The following LPAR6 variants were observed in gnomAD, a reference collection of about 807,000 sequenced individuals.
LPAR6 encodes lysophosphatidic acid receptor 6.
LPAR6 carries 17 observed loss-of-function variants against 22.0 expected under a neutral mutation model. The ratio of observed to expected loss-of-function variants is 0.77; its 90% CI spans 0.53 to 1.16. The LOEUF is 1.16. LPAR6 is among the 50% of genes most tolerant of loss of function. The pLI, the probability that LPAR6 is intolerant of heterozygous loss-of-function variation, is 0.00. For synonymous variants in LPAR6, 136 were observed against 139.8 expected, an observed-to-expected ratio of 0.97 and a Z score of 0.19; for missense variants, 384 against 406.9, an observed-to-expected ratio of 0.94 and a Z score of 0.48.
At chr13:48,414,993 AT>A (rs34952137), upstream of LPAR6, among the ~76,000 whole-genome samples, 31,728 of 149,974 alleles carry the variant, frequency 0.21, 3,483 homozygotes, top group South Asian at 0.26. Context: ...TCTTACTGTT[AT>A]TTTTTTTTTA....
At chr13:48,431,622 A>G (rs1949130463), upstream of LPAR6, among the ~76,000 whole-genome samples, 1 of 152,090 alleles carries the variant, frequency 6.6e-6, no homozygotes, top group Admixed American at 6.6e-5. Flanking sequence ...ATGTTTGGAA[A>G]ATTTGAGGGT....
At position 48,411,248 on chromosome 13, in the gene LPAR6, A is replaced by T. The variant is rs1215329312; in HGVS notation, c.*141T>A. The stretch of plus-strand genomic sequence containing the variant: ...TGTTAATGCTTAACACATTGAATAC[A>T]AATTTTCTTTATACTAAAGACTTTA... On this transcript the variant is annotated 3_prime_UTR_variant, in exon 1 of 1. Coordinates refer to ENST00000620633, the MANE Select transcript of LPAR6 (RefSeq NM_001162498.3). 4.2e-6 allele frequency: 3 copies of T among 714,140 alleles called. No homozygotes were observed. Among genetic ancestry groups the T allele is most frequent in the African/African-American group, 1.8e-5 (1 of 56,358 alleles). 44.2% of individuals were successfully genotyped at this position (714,140 alleles called of 1,614,324 possible).
chr13:48,422,728 G>C (rs1949024799), exon 2 of LPAR6: 1 of 152,096 alleles, frequency 6.6e-6, no homozygotes, highest in African/African-American at 2.4e-5. Context: ...CTAGGAGGTT[G>C]AGACTGCAGT....
chr13:48,418,354 C>T (rs1214651884), intron 2 of LPAR6, among the ~76,000 whole-genome samples: 4 of 152,078 alleles, frequency 2.6e-5, no homozygotes, highest in Non-Finnish European at 5.9e-5. Flanking sequence ...CACCACCAGG[C>T]CTGCATTACA....
At chr13:48,436,672 C>G (rs538338168) in intron 1 of LPAR6, among the ~76,000 whole-genome samples, 2 of 151,930 alleles carry the variant, frequency 1.3e-5, no homozygotes, top group South Asian at 4.2e-4. Context: ...AGTGGCTCAG[C>G]CAGCATATGT....
rs181868231 is a variant in LPAR6 at position 48,439,690 on chromosome 13, G to C, written c.-1474+4863C>G. ...GCTATTGAATGTGTTATGATTTAGAGAATTTCTGAGATTCACAGTAGAGTC... is the reference window on the plus strand; with the variant it reads ...GCTATTGAATGTGTTATGATTTAGACAATTTCTGAGATTCACAGTAGAGTC... On this transcript the variant is annotated intron_variant, in intron 1 of 6. Coordinates refer to the LPAR6 transcript ENST00000378434. 2.0e-5 allele frequency: 3 copies of C among 152,268 alleles called. No individual in the cohort carries two copies. In the East Asian group the frequency reaches 5.8e-4, roughly 29 times the overall value. 9.4% of individuals were successfully genotyped at this position (152,268 alleles called of 1,614,324 possible). A position where few individuals can be genotyped will look rare whatever the true frequency, so the allele number is the denominator to read the frequency against.
At position 48,412,010 on chromosome 13, in the gene LPAR6, A is replaced by G; in HGVS notation, c.414T>C (p.Thr138=). 1 of 1,612,024 alleles carries G rather than the reference A, an allele frequency of 6.2e-7. No individual in the cohort carries two copies. Among genetic ancestry groups the G allele is most frequent in the Non-Finnish European group, 8.5e-7 (1 of 1,178,926 alleles). ...CTCCGATCACAGTTAACCACACGCC[A>G]GTGCAAACAATCTTTGCATTTCTTT... ...RTKRNAKIVC[T]GVWLTVIGGS... Residue 138 remains threonine (T), a synonymous_variant, in exon 1 of 1, where the codon ACT becomes ACC. Transcript: ENST00000620633.
At position 48,413,112 on chromosome 13, in the gene LPAR6, C is replaced by G. The variant is rs1456721128; in HGVS notation, c.-689G>C. ...CAGTTGTATCTTGAGGTCGCTTTCT[C>G]TGAAGTGAAAAAGAAAGGCTTCCTA... On this transcript the variant is annotated 5_prime_UTR_variant, in exon 1 of 1. Transcript: ENST00000620633. 1 of 167,072 alleles carries G rather than the reference C, an allele frequency of 6.0e-6. No homozygotes were observed. The highest frequency in any genetic ancestry group is 6.5e-5 in the Admixed American group (1 of 15,274). 10.3% of individuals were successfully genotyped at this position (167,072 alleles called of 1,614,324 possible). A position where few individuals can be genotyped will look rare whatever the true frequency, so the allele number is the denominator to read the frequency against.
chr13:48,431,749 G>C (rs979392335), upstream of LPAR6, among the ~76,000 whole-genome samples: 1 of 152,152 alleles, frequency 6.6e-6, no homozygotes, highest in Non-Finnish European at 1.5e-5. Flanking sequence ...TGTTGTTTTA[G>C]TTAAACAGAA....
chr13:48,397,150 T>A (rs888182902), intron 1 of LPAR6, among the ~76,000 whole-genome samples: 3 of 152,200 alleles, frequency 2.0e-5, no homozygotes, highest in African/African-American at 7.2e-5. Context: ...ACTGAGCATA[T>A]ACCCAAAGGA....
At chr13:48,419,166 A>G (rs1427306539) in intron 2 of LPAR6, among the ~76,000 whole-genome samples, 4 of 152,200 alleles carry the variant, frequency 2.6e-5, no homozygotes, top group Non-Finnish European at 5.9e-5. Context: ...AATGCAAAAC[A>G]ATGGAAATCA....
intron 1 of LPAR6, among the ~76,000 whole-genome samples, chr13:48,398,633 T>G (rs1265275267): frequency 6.6e-6 from 1 of 152,072 alleles, no homozygotes; most frequent in East Asian, 1.9e-4. Flanking sequence ...GTCACCCAGT[T>G]GGCATTTGAA....
chr13:48,419,818 C>A (rs1167806139), intron 2 of LPAR6, among the ~76,000 whole-genome samples: 2 of 152,174 alleles, frequency 1.3e-5, no homozygotes, highest in Non-Finnish European at 2.9e-5. Flanking sequence ...GACACATACA[C>A]CCTCCCAAGA....
upstream of LPAR6, among the ~76,000 whole-genome samples, chr13:48,429,826 C>T (rs960434131): frequency 2.0e-5 from 3 of 151,892 alleles, no homozygotes; most frequent in African/African-American, 7.3e-5. Context: ...ACAAATAGTA[C>T]AAAATACCTT....
chr13:48,441,298 T>A (rs1949234349), intron 1 of LPAR6, among the ~76,000 whole-genome samples: 1 of 152,196 alleles, frequency 6.6e-6, no homozygotes, highest in African/African-American at 2.4e-5. Context: ...GAGGGATGTG[T>A]TGAAACTAAA....
At chr13:48,432,554 C>T (rs1949141227) in intron 1 of LPAR6, among the ~76,000 whole-genome samples, 1 of 151,890 alleles carries the variant, frequency 6.6e-6, no homozygotes, top group Non-Finnish European at 1.5e-5. Context: ...CTTGTCTCTT[C>T]TCACCATTCG....
intron 1 of LPAR6, among the ~76,000 whole-genome samples, chr13:48,440,905 T>C (rs551469040): frequency 4.6e-5 from 7 of 152,322 alleles, no homozygotes; most frequent in African/African-American, 7.2e-5. Flanking sequence ...GAATGCCCTA[T>C]ATTGTAATAT....
upstream of LPAR6, among the ~76,000 whole-genome samples, chr13:48,414,345 A>G (rs1222867582): frequency 6.8e-6 from 1 of 147,952 alleles, no homozygotes; most frequent in African/African-American, 2.6e-5. Context: ...ACTATCTCAA[A>G]AAAAAAAAAA....
At chr13:48,418,556 C>A (rs116974760) in intron 2 of LPAR6, among the ~76,000 whole-genome samples, 6 of 151,960 alleles carry the variant, frequency 3.9e-5, no homozygotes, top group African/African-American at 1.5e-4. Context: ...TAAAAGTAAA[C>A]GGGCTAAGTG....
Sources: allele counts gnomAD v4.1 joint callset (sites outside exome capture counted in the v4.1 genomes callset), GRCh38; gene constraint gnomAD v4.1.1; transcripts MANE v1.5; gene names NCBI Gene and HGNC (gene_info 2026-07-23, HGNC 2026-07-21).